ACTN2: variants seen among roughly 807,000 people sequenced by gnomAD.
The protein encoded by ACTN2 is alpha-actinin-2.
Under a neutral mutation model 113.8 loss-of-function variants are expected in ACTN2, and 39 were observed. The ratio of observed to expected loss-of-function variants is 0.34; its 90% CI spans 0.27 to 0.45. The LOEUF is 0.45. Ranked by LOEUF, ACTN2 falls within the 20% of genes least tolerant of loss-of-function variation. The pLI, the probability that ACTN2 is intolerant of heterozygous loss-of-function variation, is 1.00. For missense variants in ACTN2, 992 were observed against 1,177.9 expected (o/e 0.84, Z 2.31); for synonymous variants, 429 against 444.1 (o/e 0.97, Z 0.43).
chr1:236,754,943 C>T lies in ACTN2; in HGVS notation c.1975-76C>T, dbSNP rs181769398. ...CTAGCATCCCATGCAGGGTCTGGAA[C>T]GGCGCCTCGTGCCGAGCTCCCTTAG... On this transcript the variant is annotated intron_variant, in intron 16 of 20. Transcript: ENST00000366578. This position sits in a 1 kb window ranked among gnomAD's most constrained non-coding sequence, Gnocchi z 4.9. The T allele has an allele frequency of 3.6e-4, 562 of 1,573,882 alleles. No individual in the cohort carries two copies. The highest frequency in any genetic ancestry group is 1.2e-3 in the East Asian group (53 of 44,674).
rs905299403 is a variant in ACTN2 at position 236,762,989 on chromosome 1, A to C, written c.*370A>C. ...ATACCCAAGATTTAAGACCGGGGGGAAAAAACCACAAATTGGTAAATAAAG... is the reference window on the plus strand; with the variant it reads ...ATACCCAAGATTTAAGACCGGGGGGCAAAAACCACAAATTGGTAAATAAAG... On this transcript the variant is annotated 3_prime_UTR_variant, in exon 21 of 21. Transcript: ENST00000366578. 1 of 321,788 alleles carries C rather than the reference A, an allele frequency of 3.1e-6. No homozygotes were observed. Among genetic ancestry groups the C allele is most frequent in the Non-Finnish European group, 6.0e-6 (1 of 166,662 alleles). The allele number at this position is 321,788 out of a possible 1,614,324, so 19.9% of individuals were successfully genotyped here.
chr1:236,747,634 A>T (rs1390484374), intron 12 of ACTN2, 33 bp from the exon 13 acceptor site: 2 of 1,579,774 alleles, frequency 1.3e-6, no homozygotes, highest in Middle Eastern at 1.7e-4. Context: ...TCATCTGGGA[A>T]AGTTAATCTT....
chr1:236,709,341 CGT>C (rs556867315), intron 1 of ACTN2, among the ~76,000 whole-genome samples: 29 of 105,370 alleles, frequency 2.8e-4, no homozygotes, highest in African/African-American at 1.1e-3. Context: ...TATATATATA[CGT>C]GTATATATAT....
chr1:236,727,802 C>T (rs1232743876), intron 6 of ACTN2, 46 bp downstream of exon 6: 4 of 1,582,136 alleles, frequency 2.5e-6, no homozygotes, highest in African/African-American at 1.3e-5. Context: ...CCACGCGTCT[C>T]AGCATGTCCT....
At chr1:236,731,465 AG>A (rs1346987043) in intron 7 of ACTN2, 151 bp downstream of exon 7, 1 of 649,760 alleles carries the variant, frequency 1.5e-6, no homozygotes, top group East Asian at 2.8e-5. Flanking sequence ...CCACATAAGT[AG>A]TAGAGATTTT....
intron 4 of ACTN2, among the ~76,000 whole-genome samples, chr1:236,723,657 G>A (rs562295996): frequency 5.9e-5 from 9 of 152,136 alleles, no homozygotes; most frequent in Non-Finnish European, 1.3e-4. Flanking sequence ...GTAGAGATGG[G>A]ATTCGCCATC....
chr1:236,747,073 G>A (rs1043157410), intron 12 of ACTN2, among the ~76,000 whole-genome samples: 1 of 152,160 alleles, frequency 6.6e-6, no homozygotes, highest in African/African-American at 2.4e-5. Context: ...CCAGGTCAGA[G>A]AGTGATGTCT....
intron 1 of ACTN2, among the ~76,000 whole-genome samples, chr1:236,709,224 A>T (rs12737150): frequency 3.2e-5 from 1 of 30,824 alleles, no homozygotes; most frequent in Non-Finnish European, 6.2e-5. Context: ...ATGACTGTAT[A>T]TATATATATA....
chr1:236,704,228 C>G (rs895985911), intron 1 of ACTN2, among the ~76,000 whole-genome samples: 3 of 152,182 alleles, frequency 2.0e-5, no homozygotes, highest in African/African-American at 7.2e-5. Context: ...ATTAATCACT[C>G]TCTGTCTTCA....
chr1:236,753,871 C>CAAATACCCCAA, intron 15 of ACTN2, 76 bp from the exon 16 acceptor site: 3 of 1,062,640 alleles, frequency 2.8e-6, no homozygotes, highest in African/African-American at 1.6e-5. Context: ...ACCCCTTGGA[C>CAAATACCCCAA]TATTCCCGCA....
chr1:236,759,789 G>A lies in ACTN2; in HGVS notation c.2367G>A (p.Leu789=). The A allele has an allele frequency of 6.2e-7, 1 of 1,612,372 alleles. No individual in the cohort carries two copies. Among genetic ancestry groups the A allele is most frequent in the South Asian group, 1.1e-5 (1 of 91,044 alleles). The change falls in exon 19 of 21, where the codon CTG becomes CTA. Residue 789 remains leucine (L), a splice_region_variant and synonymous_variant. Coordinates refer to ENST00000366578, the MANE Select transcript of ACTN2 (RefSeq NM_001103.4). Reference sequence around the variant, plus strand: ...GCCTGATTTCCATGGGTTATGACCTGGTAAGACAGAAGTTGAAATTGTACT... The same window carrying A: ...GCCTGATTTCCATGGGTTATGACCTAGTAAGACAGAAGTTGAAATTGTACT... ...RACLISMGYD[L]GEAEFARIMT...
intron 18 of ACTN2, 67 bp from the exon 19 acceptor site, chr1:236,759,657 G>A: frequency 2.2e-6 from 3 of 1,355,546 alleles, no homozygotes; most frequent in Non-Finnish European, 3.2e-6. Flanking sequence ...TCTTTGTTCA[G>A]TTGGTCAAGT....
chr1:236,718,947 A>C lies in ACTN2; in HGVS notation c.295A>C (p.Asn99His). The change falls in exon 3 of 21, where the codon AAT becomes CAT. Residue 99 changes from asparagine to histidine, a missense_variant. By Grantham distance (68) the Asn-to-His change is moderately conservative. Coordinates refer to ENST00000366578, the MANE Select transcript of ACTN2 (RefSeq NM_001103.4). The stretch of plus-strand genomic sequence containing the variant: ...AAAAATGCGGTTCCACAAAATTGCT[A>C]ATGTCAACAAAGCTTTGGATTACAT... ...RGKMRFHKIA[N>H]VNKALDYIAS... 6.2e-7 allele frequency: 1 copy of C among 1,614,206 alleles called. No individual in the cohort carries two copies. Among genetic ancestry groups the C allele is most frequent in the Non-Finnish European group, 8.5e-7 (1 of 1,180,032 alleles).
At chr1:236,736,497 A>G (rs547909611) in intron 8 of ACTN2, 77 of 1,127,330 alleles carry the variant, frequency 6.8e-5, no homozygotes, top group Admixed American at 2.8e-4. Context: ...CTCCTGCCCC[A>G]AGTTCCTTTC....
chr1:236,696,735 G>A (rs1441005928), intron 1 of ACTN2, among the ~76,000 whole-genome samples: 3 of 148,744 alleles, frequency 2.0e-5, no homozygotes, highest in Admixed American at 1.4e-4. Context: ...GCGCAATCTC[G>A]GCTCACTGCA....
At chr1:236,724,987 G>A (rs1294556761) in intron 4 of ACTN2, among the ~76,000 whole-genome samples, 1 of 152,080 alleles carries the variant, frequency 6.6e-6, no homozygotes, top group Non-Finnish European at 1.5e-5. Context: ...CTAAGAGTAT[G>A]AATTACAAAC....
chr1:236,735,593 T>C (rs1658845252), intron 7 of ACTN2, 42 bp from the exon 8 acceptor site: 1 of 1,488,754 alleles, frequency 6.7e-7, no homozygotes, highest in Admixed American at 1.7e-5. Flanking sequence ...GTGTGTGGTG[T>C]GTGTGTGTGC....
chr1:236,715,813 A>C (rs1179396506), intron 1 of ACTN2, among the ~76,000 whole-genome samples: 1 of 152,034 alleles, frequency 6.6e-6, no homozygotes, highest in Non-Finnish European at 1.5e-5. Flanking sequence ...AAAATCAGCT[A>C]GGTGTGGTGG....
intron 1 of ACTN2, among the ~76,000 whole-genome samples, chr1:236,713,140 C>T (rs987003292): frequency 6.6e-6 from 1 of 151,726 alleles, no homozygotes; most frequent in African/African-American, 2.4e-5. Context: ...GGTTTATACA[C>T]TACAGTGGAA....
Sources: allele counts gnomAD v4.1 joint callset (sites outside exome capture counted in the v4.1 genomes callset), GRCh38; gene constraint gnomAD v4.1.1; non-coding constraint Gnocchi (gnomAD v3.1); transcripts MANE v1.5; gene names NCBI Gene and HGNC (gene_info 2026-07-23, HGNC 2026-07-21).